Variants in CDKN3 observed in about 807,000 individuals in gnomAD.
CDKN3 encodes the protein cyclin dependent kinase inhibitor 3.
In CDKN3, 19 loss-of-function variants were observed where a neutral mutation model predicts 36.1. The ratio of observed to expected loss-of-function variants is 0.53; its 90% CI spans 0.37 to 0.77. The LOEUF is 0.77. Among genes scored for constraint, CDKN3 ranks in the 30% least tolerant of loss-of-function variants. The probability of loss-of-function intolerance (pLI) is 0.00; values close to 1 mark genes in which losing one functional copy is unlikely to be tolerated. For missense variants in CDKN3, 188 were observed against 248.6 expected (o/e 0.76, Z 1.64); for synonymous variants, 71 against 85.3 (o/e 0.83, Z 0.92).
intron 1 of CDKN3, 91 bp downstream of exon 1, chr14:54,397,168 G>T (rs1054852536): frequency 3.0e-6 from 4 of 1,330,596 alleles, no homozygotes; most frequent in Non-Finnish European, 3.9e-6. Flanking sequence ...GGCAGCCCTA[G>T]CCTGGTAGCA....
At chr14:54,403,819 G>A (rs924874451) in intron 3 of CDKN3, among the ~76,000 whole-genome samples, 1 of 152,168 alleles carries the variant, frequency 6.6e-6, no homozygotes, top group African/African-American at 2.4e-5. Context: ...CACTGATTCT[G>A]TTTATGTGAT....
chr14:54,408,701 T>C, intron 3 of CDKN3, 44 bp from the exon 4 acceptor site: 2 of 1,550,736 alleles, frequency 1.3e-6, no homozygotes, highest in South Asian at 2.5e-5. Flanking sequence ...CTGTTACATA[T>C]GACGAAAAAC....
chr14:54,401,500 A>G, intron 2 of CDKN3, 24 bp from the exon 3 acceptor site: 1 of 1,576,282 alleles, frequency 6.3e-7, no homozygotes, highest in Non-Finnish European at 8.7e-7. Context: ...TTAACTAAAC[A>G]TGAAAAATTT....
At chr14:54,411,982 G>A (rs2030372765) in intron 5 of CDKN3, among the ~76,000 whole-genome samples, 1 of 152,114 alleles carries the variant, frequency 6.6e-6, no homozygotes, top group Non-Finnish European at 1.5e-5. Flanking sequence ...CTTTCCTTTA[G>A]TCTTAGACCT....
rs1189925521 is a variant in CDKN3 at position 54,412,948 on chromosome 14, C to T, written c.416+1242C>T. The T allele has an allele frequency of 8.3e-6, 4 of 484,482 alleles. No individual in the cohort carries two copies. In the East Asian group the frequency reaches 2.4e-4, roughly 29 times the overall value. 30.0% of individuals were successfully genotyped at this position (484,482 alleles called of 1,614,324 possible). The stretch of plus-strand genomic sequence containing the variant: ...TCAAATAGCCATGGGGTTCTCAGGG[C>T]ACCTAGTCATAGGACAAGCCCAGCC... On this transcript the variant is annotated intron_variant, in intron 5 of 7. Transcript: ENST00000335183.
intron 5 of CDKN3, 198 bp downstream of exon 5, chr14:54,411,904 AG>A (rs1455036228): frequency 4.5e-5 from 28 of 615,922 alleles, no homozygotes; most frequent in Non-Finnish European, 7.5e-5. Context: ...ACTTTTCAAG[AG>A]TAGGGACAAT....
intron 5 of CDKN3, among the ~76,000 whole-genome samples, chr14:54,414,709 CTTT>C (rs35670197): frequency 2.0e-5 from 2 of 102,136 alleles, no homozygotes; most frequent in African/African-American, 4.0e-5. Flanking sequence ...CCGTGCCAGG[CTTT>C]TTTTTTTTTT....
At chr14:54,398,987 C>CTTTTTTTTTTTTTTTTTTTTTTTTTT (rs113342693) in intron 1 of CDKN3, among the ~76,000 whole-genome samples, 1 of 109,272 alleles carries the variant, frequency 9.2e-6, no homozygotes, top group African/African-American at 3.5e-5. Context: ...TTTCTTCTTC[C>CTTTTTTTTTTTTTTTTTTTTTTTTTT]TTTTTTTTTT....
At chr14:54,408,485 C>A in intron 3 of CDKN3, 2 of 353,076 alleles carry the variant, frequency 5.7e-6, no homozygotes, top group Non-Finnish European at 1.0e-5. Context: ...AGCTTAAAGC[C>A]TGGAGTACAA....
chr14:54,402,112 G>A (rs753466621), intron 3 of CDKN3, among the ~76,000 whole-genome samples: 4 of 151,672 alleles, frequency 2.6e-5, no homozygotes, highest in Non-Finnish European at 4.4e-5. Context: ...GGAGGCTGAG[G>A]TAGGAGAATT....
At chr14:54,413,556 G>T (rs1489272095) in intron 5 of CDKN3, 4 of 1,293,152 alleles carry the variant, frequency 3.1e-6, no homozygotes, top group South Asian at 1.3e-5. Flanking sequence ...GAATGTTTCA[G>T]TCTCCCATAA....
At chr14:54,413,479 C>A in intron 5 of CDKN3, 1 of 669,858 alleles carries the variant, frequency 1.5e-6, no homozygotes, top group South Asian at 1.9e-5. Flanking sequence ...TCTGGCAACC[C>A]AAATGCTCTG....
intron 1 of CDKN3, among the ~76,000 whole-genome samples, chr14:54,399,680 A>T (rs562619427): frequency 1.3e-5 from 2 of 152,344 alleles, no homozygotes; most frequent in Admixed American, 6.5e-5. Context: ...TTGGTTCCCA[A>T]TCCAACTCTC....
intron 6 of CDKN3, among the ~76,000 whole-genome samples, chr14:54,416,992 C>T (rs1227969724): frequency 6.6e-6 from 1 of 152,088 alleles, no homozygotes; most frequent in Non-Finnish European, 1.5e-5. Context: ...CACTTGACAC[C>T]AATTAGGAAG....
intron 3 of CDKN3, among the ~76,000 whole-genome samples, chr14:54,406,189 G>A (rs1262365007): frequency 6.6e-6 from 1 of 152,204 alleles, no homozygotes; most frequent in African/African-American, 2.4e-5. Flanking sequence ...GGCTTGTAGG[G>A]TTTCTGCAGA....
At chr14:54,413,564 TA>T in intron 5 of CDKN3, 1 of 1,384,462 alleles carries the variant, frequency 7.2e-7, no homozygotes, top group Non-Finnish European at 9.9e-7. Flanking sequence ...CAGTCTCCCA[TA>T]AAATAAAGCA....
chr14:54,413,523 A>T, intron 5 of CDKN3: 1 of 951,226 alleles, frequency 1.1e-6, no homozygotes, highest in Non-Finnish European at 1.6e-6. Context: ...GATAGACAGT[A>T]GATGGGTGAC....
At chr14:54,411,892 T>C (rs2030369803) in intron 5 of CDKN3, 186 bp downstream of exon 5, 6 of 636,682 alleles carry the variant, frequency 9.4e-6, no homozygotes, top group East Asian at 8.2e-5. Flanking sequence ...CGTGCTGTTA[T>C]TACTTTTCAA....
intron 6 of CDKN3, among the ~76,000 whole-genome samples, chr14:54,416,842 A>C (rs920622962): frequency 6.6e-6 from 1 of 152,010 alleles, no homozygotes; most frequent in African/African-American, 2.4e-5. Context: ...AATAATAAAC[A>C]AACAACATAA....
Sources: gnomAD v4.1 joint callset for allele counts (sites outside exome capture counted in the v4.1 genomes callset) on GRCh38, gnomAD v4.1.1 for gene constraint, MANE v1.5 for transcripts, NCBI Gene and HGNC (gene_info 2026-07-23, HGNC 2026-07-21) for gene names.